Variants in IFNLR1 observed in about 807,000 individuals in gnomAD.
The protein encoded by IFNLR1 is CRF2-12.
Under a neutral mutation model 52.5 loss-of-function variants are expected in IFNLR1, and 28 were observed. The observed-to-expected ratio is 0.53, with a 90% CI of 0.40 to 0.73. IFNLR1 has a LOEUF of 0.73. IFNLR1 is among the 30% of genes least tolerant of loss of function. The pLI is 0.00. For synonymous variants in IFNLR1, 276 were observed against 274.9 expected (o/e 1.00, Z -0.04); for missense variants, 623 against 659.1 (o/e 0.95, Z 0.60).
At position 24,156,566 on chromosome 1, in the gene IFNLR1, A is replaced by C. The variant is rs1644380615; in HGVS notation, c.*564T>G. ...AAAACCGTACAGTGCCATGACTCCA[A>C]AGACCAGGATTTGAGGACAGCCACC... is the stretch of plus-strand genomic sequence containing the variant. On this transcript the variant is annotated 3_prime_UTR_variant, in exon 7 of 7. Coordinates refer to ENST00000327535, the MANE Select transcript of IFNLR1 (RefSeq NM_170743.4). 1 of 153,162 alleles carries C rather than the reference A, an allele frequency of 6.5e-6. No individual in the cohort carries two copies. Among genetic ancestry groups the C allele is most frequent in the Non-Finnish European group, 1.5e-5 (1 of 68,842 alleles). 9.5% of individuals were successfully genotyped at this position (153,162 alleles called of 1,614,324 possible). A position where few individuals can be genotyped will look rare whatever the true frequency, so the allele number is the denominator to read the frequency against.
intron 3 of IFNLR1, among the ~76,000 whole-genome samples, chr1:24,162,768 C>CTTT (rs1557643864): frequency 6.4e-5 from 3 of 46,622 alleles, no homozygotes; most frequent in Non-Finnish European, 1.3e-4. Flanking sequence ...TTCTTTCTTT[C>CTTT]TTTCTTTCTT....
chr1:24,162,869 T>C (rs1357022348), intron 3 of IFNLR1, among the ~76,000 whole-genome samples: 8 of 81,508 alleles, frequency 9.8e-5, no homozygotes, highest in Non-Finnish European at 2.0e-4. Context: ...CTTTCTTTCT[T>C]TCTTTCTTTC....
At chr1:24,169,649 G>T in intron 2 of IFNLR1, 48 bp from the exon 3 acceptor site, 1 of 1,557,876 alleles carries the variant, frequency 6.4e-7, no homozygotes, top group South Asian at 1.2e-5. Context: ...AGCCTCTCCG[G>T]GTCAGGGAAC....
In IFNLR1 at chr1:24,157,951, A is replaced by T; in HGVS notation, c.802-60T>A. Reference sequence around the variant, plus strand: ...TAGGCTTTCCTGAAGCATAATTATCATCATCTGAATTCCCCTAGAAACAGA... The same window carrying T: ...TAGGCTTTCCTGAAGCATAATTATCTTCATCTGAATTCCCCTAGAAACAGA... On this transcript the variant is annotated intron_variant, in intron 6 of 6. Transcript: ENST00000327535. The surrounding 1 kb of genome is among the most constrained non-coding windows in gnomAD (Gnocchi z 5.1). 1 of 1,441,792 alleles carries T rather than the reference A, an allele frequency of 6.9e-7. No homozygotes were observed. Among genetic ancestry groups the T allele is most frequent in the Non-Finnish European group, 9.3e-7 (1 of 1,076,246 alleles). 89.3% of individuals were successfully genotyped at this position (1,441,792 alleles called of 1,614,324 possible).
intron 1 of IFNLR1, among the ~76,000 whole-genome samples, chr1:24,182,967 A>G (rs1299952822): frequency 6.6e-6 from 1 of 152,164 alleles, no homozygotes; most frequent in African/African-American, 2.4e-5. Flanking sequence ...AACATCTGTC[A>G]TATACATTTC....
At chr1:24,158,883 G>A in intron 6 of IFNLR1, 169 bp downstream of exon 6, 1 of 757,630 alleles carries the variant, frequency 1.3e-6, no homozygotes, top group East Asian at 2.5e-5. Context: ...ATTTTATTCA[G>A]GACTAAATGA....
chr1:24,170,913 A>G (rs1256619620), intron 2 of IFNLR1, among the ~76,000 whole-genome samples: 1 of 152,244 alleles, frequency 6.6e-6, no homozygotes, highest in Non-Finnish European at 1.5e-5. Flanking sequence ...CACAAAGATC[A>G]GATTTTGAGA....
At chr1:24,187,146 C>T in intron 1 of IFNLR1, 45 bp downstream of exon 1, 1 of 1,273,270 alleles carries the variant, frequency 7.9e-7, no homozygotes, top group Non-Finnish European at 1.0e-6. Flanking sequence ...CGGCCCGGCC[C>T]GGGGAGCCCT....
At chr1:24,163,290 C>T (rs1644484301) in intron 3 of IFNLR1, among the ~76,000 whole-genome samples, 1 of 152,138 alleles carries the variant, frequency 6.6e-6, no homozygotes, top group South Asian at 2.1e-4. Flanking sequence ...CACACTCCCG[C>T]AAGACTGACC....
intron 1 of IFNLR1, among the ~76,000 whole-genome samples, chr1:24,186,266 A>G (rs1179389196): frequency 6.6e-6 from 1 of 152,118 alleles, no homozygotes; most frequent in African/African-American, 2.4e-5. Flanking sequence ...AAAGCTAGCC[A>G]GGCTTGCTTT....
Position 24,156,997 on chromosome 1 carries a change from G to T in IFNLR1, c.*133C>A, listed in dbSNP as rs1161919397. ...AGCCCGACAGGCAAACAGCCGCTAG[G>T]TGGACTTCCCGGAAGTGCAATGCCC... On this transcript the variant is annotated 3_prime_UTR_variant, in exon 7 of 7. Coordinates refer to ENST00000327535, the MANE Select transcript of IFNLR1 (RefSeq NM_170743.4). 3.9e-6 allele frequency: 4 copies of T among 1,012,668 alleles called. No individual in the cohort carries two copies. Among genetic ancestry groups the T allele is most frequent in the Non-Finnish European group, 5.8e-6 (4 of 686,468 alleles). 62.7% of individuals were successfully genotyped at this position (1,012,668 alleles called of 1,614,324 possible).
chr1:24,162,995 C>T (rs1417219227), intron 3 of IFNLR1, among the ~76,000 whole-genome samples: 3 of 119,062 alleles, frequency 2.5e-5, no homozygotes, highest in African/African-American at 9.8e-5. Flanking sequence ...GAGTCTTGCT[C>T]TATCACCCAG....
intron 2 of IFNLR1, among the ~76,000 whole-genome samples, chr1:24,179,007 C>T (rs1366860980): frequency 1.3e-5 from 2 of 151,998 alleles, no homozygotes; most frequent in African/African-American, 4.8e-5. Flanking sequence ...GTGGTGTGAT[C>T]TCAGCTCACT....
intron 3 of IFNLR1, among the ~76,000 whole-genome samples, chr1:24,162,938 C>T (rs138258096): frequency 5.0e-5 from 4 of 80,638 alleles, no homozygotes; most frequent in Admixed American, 1.5e-4. Context: ...TTCTTTCTTT[C>T]TCTTTCTTTC....
intron 2 of IFNLR1, among the ~76,000 whole-genome samples, chr1:24,179,862 A>G (rs1008012635): frequency 2.0e-5 from 3 of 152,134 alleles, no homozygotes; most frequent in African/African-American, 7.2e-5. Context: ...TTCTGCTTCT[A>G]TCATCTCACT....
chr1:24,166,692 G>T (rs1198916716), intron 3 of IFNLR1, among the ~76,000 whole-genome samples: 3 of 151,852 alleles, frequency 2.0e-5, no homozygotes, highest in African/African-American at 7.3e-5. Flanking sequence ...GACCACAGGT[G>T]CCCACCACCG....
chr1:24,164,484 G>A, intron 3 of IFNLR1, among the ~76,000 whole-genome samples: 1 of 152,114 alleles, frequency 6.6e-6, no homozygotes, highest in East Asian at 1.9e-4. Context: ...ATGTCATGGG[G>A]GAATCCACTG....
chr1:24,157,566 G>C lies in IFNLR1; in HGVS notation c.1127C>G (p.Pro376Arg), dbSNP rs780206434. 6.2e-7 allele frequency: 1 copy of C among 1,611,996 alleles called. No individual in the cohort carries two copies. The highest frequency in any genetic ancestry group is 8.5e-7 in the Non-Finnish European group (1 of 1,179,074). ...ATCCCAAGCAGAGGAGCCTTCGCTT[G>C]GGACCAGAGGAGCCCTGGGCCTCCC... ...DSGRPRAPLV[P>R]SEGSSAWDSS... The change falls in exon 7 of 7, where the codon CCA (proline) becomes CGA (arginine). Residue 376 changes from proline (P) to arginine (R), a missense_variant. Physicochemically the swap from Pro to Arg is moderately radical, Grantham distance 103 (BLOSUM62 -2). Transcript: ENST00000327535. This position sits in a 1 kb window ranked among gnomAD's most constrained non-coding sequence, Gnocchi z 5.1.
rs751487518 is a variant in IFNLR1 at position 24,180,811 on chromosome 1, G to A, written c.102C>T (p.Ser34=). The A allele has an allele frequency of 8.1e-6, 13 of 1,613,922 alleles. No homozygotes were observed. Among genetic ancestry groups the A allele is most frequent in the Non-Finnish European group, 5.1e-6 (6 of 1,179,952 alleles). ...ATGTCAGGTACACGCTGAAGTTCTGGGAGAGCAGCGTCACATTCTGGGGAG... is the reference window on the plus strand; with the variant it reads ...ATGTCAGGTACACGCTGAAGTTCTGAGAGAGCAGCGTCACATTCTGGGGAG... ...LAPPQNVTLL[S]QNFSVYLTWL... Residue 34 remains serine, a synonymous_variant, in exon 2 of 7, where the codon TCC becomes TCT. Coordinates refer to ENST00000327535, the MANE Select transcript of IFNLR1 (RefSeq NM_170743.4).
Sources: allele counts gnomAD v4.1 joint callset (sites outside exome capture counted in the v4.1 genomes callset), GRCh38; gene constraint gnomAD v4.1.1; non-coding constraint Gnocchi (gnomAD v3.1); transcripts MANE v1.5; gene names NCBI Gene and HGNC (gene_info 2026-07-23, HGNC 2026-07-21).